The following MTMR10 variants were observed in gnomAD, a reference collection of about 807,000 sequenced individuals.
The protein encoded by MTMR10 is myotubularin-related protein 10.
Under a neutral mutation model 88.1 loss-of-function variants are expected in MTMR10, and 56 were observed. That is an observed-to-expected ratio of 0.64 (90% CI 0.51 to 0.79). The LOEUF (loss-of-function observed/expected upper bound fraction) is 0.79. Ranked by LOEUF, MTMR10 falls within the 30% of genes least tolerant of loss-of-function variation. The pLI, the probability that MTMR10 is intolerant of heterozygous loss-of-function variation, is 0.00. For synonymous variants in MTMR10, 380 were observed against 340.9 expected, an observed-to-expected ratio of 1.11 and a Z score of -1.26; for missense variants, 883 against 924.7, an observed-to-expected ratio of 0.95 and a Z score of 0.58.
intron 5 of MTMR10, chr15:30,968,231 C>T (rs373786732): frequency 8.9e-5 from 34 of 380,200 alleles, no homozygotes; most frequent in African/African-American, 6.7e-4. Context: ...TAGCACATGG[C>T]AAGTATTCAG....
chr15:30,968,534 AACACACACAC>A (rs61503155), intron 5 of MTMR10, among the ~76,000 whole-genome samples: 3,312 of 143,150 alleles, frequency 0.023, 64 homozygotes, highest in Admixed American at 0.039. Flanking sequence ...TCAAAAAAAC[AACACACACAC>A]ACACACACAC....
At chr15:30,928,762 C>T in the MTMR10 span, 33 of 1,568,748 alleles carry the variant, frequency 2.1e-5, no homozygotes, top group East Asian at 2.7e-4. Flanking sequence ...ATCTCTGTTA[C>T]GGTCCTTTGG....
Position 30,942,880 on chromosome 15 carries a change from T to C in MTMR10, c.1731+10A>G. Reference sequence around the variant, plus strand: ...TGAGCCAACATCACGTTTTGTTAGCTGTGATTTACCTTTGTCCGTTTAAAA... The same window carrying C: ...TGAGCCAACATCACGTTTTGTTAGCCGTGATTTACCTTTGTCCGTTTAAAA... On this transcript the variant is annotated intron_variant, in intron 15 of 15. Transcript: ENST00000435680. 6.4e-7 allele frequency: 1 copy of C among 1,553,796 alleles called. No individual in the cohort carries two copies. Among genetic ancestry groups the C allele is most frequent in the Non-Finnish European group, 8.7e-7 (1 of 1,147,640 alleles).
At chr15:30,922,192 T>A in the MTMR10 span, 2 of 1,591,364 alleles carry the variant, frequency 1.3e-6, no homozygotes, top group Non-Finnish European at 1.7e-6. Context: ...GCAGCTGGAT[T>A]TTTTGTGAAT....
Position 30,990,825 on chromosome 15 carries a change from T to C in MTMR10, c.73A>G (p.Ile25Val). Residue 25 changes from isoleucine to valine, a missense_variant, in exon 2 of 16, where the codon ATC becomes GTC. By Grantham distance (29) the Ile-to-Val change is conservative (BLOSUM62 3). Coordinates refer to ENST00000435680, the MANE Select transcript of MTMR10 (RefSeq NM_017762.3). Reference sequence around the variant, plus strand: ...TTTTTAATCTTCGGTTCCGAATTGATCTTATCGTCAGTCTGAAATACATTA... The same window carrying C: ...TTTTTAATCTTCGGTTCCGAATTGACCTTATCGTCAGTCTGAAATACATTA... ...LLPPPQTDDK[I>V]NSEPKIKKLE... is the part of the protein sequence containing the mutation. The C allele has an allele frequency of 6.2e-7, 1 of 1,606,132 alleles. No individual in the cohort carries two copies.
chr15:30,928,594 C>T, the MTMR10 span: 2 of 1,612,646 alleles, frequency 1.2e-6, no homozygotes. Flanking sequence ...CCTGTATGGC[C>T]TCCTCCTGTG....
chr15:30,926,534 T>C, the MTMR10 span: 4 of 670,204 alleles, frequency 6.0e-6, no homozygotes, highest in South Asian at 2.0e-4. Flanking sequence ...AACCACAAGA[T>C]AGGAGTTTAC....
At chr15:30,925,218 A>T in the MTMR10 span, 31 of 1,613,936 alleles carry the variant, frequency 1.9e-5, no homozygotes, top group Non-Finnish European at 2.4e-5. Flanking sequence ...CGCCTGCGAG[A>T]GTCTCCGAGC....
chr15:30,963,356 C>T (rs190907871), intron 6 of MTMR10, among the ~76,000 whole-genome samples: 8 of 152,122 alleles, frequency 5.3e-5, no homozygotes, highest in East Asian at 1.9e-4. Context: ...TGTTGCTGGG[C>T]GCGGTGGCTC....
intron 14 of MTMR10, chr15:30,946,605 C>T: frequency 3.2e-6 from 2 of 632,498 alleles, no homozygotes; most frequent in South Asian, 3.6e-5. Context: ...CGGCATTTGT[C>T]AGCTTCTGTT....
At chr15:30,991,412 G>T in intron 1 of MTMR10, 35 bp downstream of exon 1, 1 of 1,459,854 alleles carries the variant, frequency 6.9e-7, no homozygotes, top group Admixed American at 2.9e-5. Flanking sequence ...GAAGCGCAGA[G>T]GAGAGTCGGG....
intron 5 of MTMR10, among the ~76,000 whole-genome samples, chr15:30,969,737 T>G (rs2063515217): frequency 6.6e-6 from 1 of 152,156 alleles, no homozygotes; most frequent in Non-Finnish European, 1.5e-5. Context: ...TCTTGATTCT[T>G]CACAAAACTG....
Position 30,941,374 on chromosome 15 carries a change from T to C in MTMR10, c.*96A>G. 2.0e-6 allele frequency: 3 copies of C among 1,538,234 alleles called. No homozygotes were observed. The highest frequency in any genetic ancestry group is 1.4e-5 in the African/African-American group (1 of 72,530). On this transcript the variant is annotated 3_prime_UTR_variant, in exon 16 of 16. Transcript: ENST00000435680. ...AAATTCCAACTATTATTCTTACATATAAAGTTATTAGAGATTCAAACGCCT... is the reference window on the plus strand; with the variant it reads ...AAATTCCAACTATTATTCTTACATACAAAGTTATTAGAGATTCAAACGCCT...
Position 30,974,597 on chromosome 15 carries a change from A to G in MTMR10, c.332-141T>C, listed in dbSNP as rs2029973504. ...CTTGTCTAGAATGTTTCATACTTGTAATTCCTAGAACTTGGGGGTTGGTTT... is the reference window on the plus strand; with the variant it reads ...CTTGTCTAGAATGTTTCATACTTGTGATTCCTAGAACTTGGGGGTTGGTTT... On this transcript the variant is annotated intron_variant, in intron 4 of 15. Transcript: ENST00000435680. 4 of 850,680 alleles carry G rather than the reference A, an allele frequency of 4.7e-6. No homozygotes were observed. In the East Asian group the frequency reaches 1.2e-4, roughly 26 times the overall value. The allele number at this position is 850,680 out of a possible 1,614,324, so 52.7% of individuals were successfully genotyped here.
intron 14 of MTMR10, among the ~76,000 whole-genome samples, chr15:30,944,757 T>C (rs1437829170): frequency 6.6e-6 from 1 of 151,954 alleles, no homozygotes; most frequent in Non-Finnish European, 1.5e-5. Context: ...ACGCCTGTAA[T>C]CCCAGTACTT....
At chr15:30,958,467 G>A (rs1471527495) in intron 9 of MTMR10, among the ~76,000 whole-genome samples, 1 of 152,216 alleles carries the variant, frequency 6.6e-6, no homozygotes, top group Non-Finnish European at 1.5e-5. Context: ...CTCGTCTGTG[G>A]TGGCTAATTA....
At chr15:30,962,180 G>T (rs2063410733) in intron 6 of MTMR10, among the ~76,000 whole-genome samples, 1 of 152,168 alleles carries the variant, frequency 6.6e-6, no homozygotes, top group African/African-American at 2.4e-5. Context: ...AGCCTGCTCT[G>T]AGAGAGAAGT....
rs140155071 is a variant in MTMR10 at position 30,947,114 on chromosome 15, C to T, written c.1548+16G>A. On this transcript the variant is annotated intron_variant, in intron 14 of 15. Transcript: ENST00000435680. The stretch of plus-strand genomic sequence containing the variant: ...AAAAACAGGGAAAACGTAGCCACAG[C>T]CACAGGGTTGCTTACCGTGCTTTGC... 17 of 1,581,618 alleles carry T rather than the reference C, an allele frequency of 1.1e-5. No homozygotes were observed. The Admixed American group carries it at 2.5e-4, about 23-fold the overall frequency.
At chr15:30,979,121 A>G (rs1051539871) in intron 2 of MTMR10, among the ~76,000 whole-genome samples, 1 of 152,166 alleles carries the variant, frequency 6.6e-6, no homozygotes, top group African/African-American at 2.4e-5. Context: ...ACAGCCCTGT[A>G]ACAATGACTT....
Sources: gnomAD v4.1 joint callset for allele counts (sites outside exome capture counted in the v4.1 genomes callset) on GRCh38, gnomAD v4.1.1 for gene constraint, MANE v1.5 for transcripts, NCBI Gene and HGNC (gene_info 2026-07-23, HGNC 2026-07-21) for gene names.